Variants in COL9A2 observed in about 807,000 individuals in gnomAD.
COL9A2 encodes collagen type IX alpha 2 chain.
COL9A2 carries 66 observed loss-of-function variants against 111.6 expected under a neutral mutation model. The observed-to-expected ratio is 0.59, with a 90% CI of 0.48 to 0.73. The LOEUF is 0.73. COL9A2 is among the 30% of genes least tolerant of loss of function. The probability of loss-of-function intolerance (pLI) is 0.00; values close to 1 mark genes in which losing one functional copy is unlikely to be tolerated. For synonymous variants in COL9A2, 353 were observed against 364.1 expected (o/e 0.97, Z 0.35); for missense variants, 881 against 954.1 (o/e 0.92, Z 1.01).
At position 40,314,241 on chromosome 1, in the gene COL9A2, A is replaced by C. The variant is rs1390656581; in HGVS notation, c.213T>G (p.Ala71=). Residue 71 remains alanine (A), a synonymous_variant, in exon 4 of 32, where the codon GCT becomes GCG. Coordinates refer to ENST00000372748, the MANE Select transcript of COL9A2 (RefSeq NM_001852.4). This position sits in a 1 kb window ranked among gnomAD's most constrained non-coding sequence, Gnocchi z 4.1. The stretch of plus-strand genomic sequence containing the variant: ...GCTTCCCGTCTGGCCCATCTGGCCC[A>C]GCTTTGCCAGGCTCGCCCTTGGGTC... ...PPGPKGEPGK[A]GPDGPDGKPG... is the part of the protein sequence containing the mutation. The C allele has an allele frequency of 6.2e-7, 1 of 1,614,110 alleles. No individual in the cohort carries two copies. The highest frequency in any genetic ancestry group is 8.5e-7 in the Non-Finnish European group (1 of 1,180,058).
Position 40,308,259 on chromosome 1 carries a change from A to C in COL9A2, c.847-14T>G. On this transcript the variant is annotated splice_polypyrimidine_tract_variant and intron_variant, in intron 16 of 31. Transcript: ENST00000372748. ...ACCTGGGCTGCCCTGCAAAGCGGAG[A>C]GAGATCAGGTCACCCTCAGGATGTT... 1.2e-6 allele frequency: 2 copies of C among 1,613,144 alleles called. No homozygotes were observed. Among genetic ancestry groups the C allele is most frequent in the African/African-American group, 1.3e-5 (1 of 74,974 alleles).
At chr1:40,305,290 C>A (rs1009025524) in intron 21 of COL9A2, among the ~76,000 whole-genome samples, 1 of 151,920 alleles carries the variant, frequency 6.6e-6, no homozygotes, top group Non-Finnish European at 1.5e-5. Context: ...CTCCTGACCT[C>A]GTGATCCACC....
At chr1:40,304,190 C>T (rs1439007867) in intron 24 of COL9A2, 91 bp from the exon 25 acceptor site, 10 of 1,514,438 alleles carry the variant, frequency 6.6e-6, no homozygotes, top group East Asian at 4.9e-5. Context: ...TTTCCAACTC[C>T]GCCTCGCCGA....
rs986664182 is a variant in COL9A2 at position 40,317,174 on chromosome 1, G to C, written c.24C>G (p.Pro8=). 1.9e-6 allele frequency: 3 copies of C among 1,588,970 alleles called. No individual in the cohort carries two copies. The highest frequency in any genetic ancestry group is 2.3e-5 in the East Asian group (1 of 43,284). The part of the protein sequence containing the change: MAAATAS[P]RSLLVLLQVV... ...CCTGGAGGAGAACAAGGAGGCTGCG[G>C]GGGGAGGCCGTAGCGGCGGCCATGG... Residue 8 remains proline (P), a synonymous_variant, in exon 1 of 32, where the codon CCC becomes CCG. Transcript: ENST00000372748. This position sits in a 1 kb window ranked among gnomAD's most constrained non-coding sequence, Gnocchi z 4.3.
intron 31 of COL9A2, 44 bp from the exon 32 acceptor site, chr1:40,301,425 T>A (rs1165949932): frequency 1.9e-6 from 3 of 1,552,106 alleles, no homozygotes; most frequent in Admixed American, 4.0e-5. Context: ...ACCTCTTGTC[T>A]CAGGCCCAGA....
chr1:40,312,017 T>G lies in COL9A2; in HGVS notation c.417+42A>C. On this transcript the variant is annotated intron_variant, in intron 8 of 31. Transcript: ENST00000372748. This position sits in a 1 kb window ranked among gnomAD's most constrained non-coding sequence, Gnocchi z 6.0. ...ACCACCCAGCTTGCCAGCTTGGAGATAGAAGGCAGGAGGCAGTGAACAGAG... is the reference window on the plus strand; with the variant it reads ...ACCACCCAGCTTGCCAGCTTGGAGAGAGAAGGCAGGAGGCAGTGAACAGAG... The G allele has an allele frequency of 1.3e-6, 2 of 1,577,496 alleles. No individual in the cohort carries two copies. The highest frequency in any genetic ancestry group is 1.2e-5 in the South Asian group (1 of 86,294).
Position 40,314,229 on chromosome 1 carries a change from C to T in COL9A2, c.225G>A (p.Gly75=), listed in dbSNP as rs1033851285. 1 of 1,614,246 alleles carries T rather than the reference C, an allele frequency of 6.2e-7. No individual in the cohort carries two copies. Among genetic ancestry groups the T allele is most frequent in the Admixed American group, 1.7e-5 (1 of 60,032 alleles). The change falls in exon 4 of 32, where the codon GGG becomes GGA. Residue 75 remains glycine, a synonymous_variant. Coordinates refer to ENST00000372748, the MANE Select transcript of COL9A2 (RefSeq NM_001852.4). The surrounding 1 kb of genome is among the most constrained non-coding windows in gnomAD (Gnocchi z 4.1). The part of the protein sequence containing the change: ...KGEPGKAGPD[G]PDGKPGIDGL... ...CATCAATCCCGGGCTTCCCGTCTGG[C>T]CCATCTGGCCCAGCTTTGCCAGGCT...
In COL9A2 at chr1:40,312,768, T is replaced by C; in HGVS notation, c.266A>G (p.Lys89Arg). The C allele has an allele frequency of 6.4e-7, 1 of 1,551,766 alleles. No individual in the cohort carries two copies. Among genetic ancestry groups the C allele is most frequent in the East Asian group, 2.4e-5 (1 of 40,966 alleles). ...KPGIDGLTGA[K>R]GEPGPMGIPG... is the part of the protein sequence containing the mutation. ...GATCCCCATGGGGCCAGGCTCCCCC[T>C]TGGCTCCAGTTAAACCCTGGGGAAG... The change falls in exon 5 of 32, where the codon AAG becomes AGG. Residue 89 changes from lysine (K) to arginine (R), a missense_variant. By Grantham distance (26) the Lys-to-Arg change is conservative. Transcript: ENST00000372748. The surrounding 1 kb of genome is among the most constrained non-coding windows in gnomAD (Gnocchi z 6.0).
chr1:40,317,193 G>A lies in COL9A2; in HGVS notation c.5C>T (p.Ala2Val). The A allele has an allele frequency of 1.3e-6, 2 of 1,573,538 alleles. No homozygotes were observed. The highest frequency in any genetic ancestry group is 1.4e-5 in the African/African-American group (1 of 73,828). Reference protein sequence around the residue: MAAATASPRSLL... With the variant: MVAATASPRSLL... ...GCTGCGGGGGGAGGCCGTAGCGGCGGCCATGGCTGGCGGCGAGACCAAGGG... is the reference window on the plus strand; with the variant it reads ...GCTGCGGGGGGAGGCCGTAGCGGCGACCATGGCTGGCGGCGAGACCAAGGG... Residue 2 changes from alanine (A) to valine (V), a missense_variant, in exon 1 of 32, where the codon GCC (alanine) becomes GTC (valine). Ala to Val is a moderately conservative substitution (Grantham distance 64, BLOSUM62 0). Transcript: ENST00000372748. This position sits in a 1 kb window ranked among gnomAD's most constrained non-coding sequence, Gnocchi z 4.3.
chr1:40,304,120 G>A, intron 24 of COL9A2, 21 bp from the exon 25 acceptor site: 2 of 1,542,290 alleles, frequency 1.3e-6, no homozygotes, highest in Non-Finnish European at 8.7e-7. Context: ...CGGGCAGTGA[G>A]GGGTTTGGCG....
Position 40,311,085 on chromosome 1 carries a change from G to A in COL9A2, c.630+8C>T, listed in dbSNP as rs373389007. On this transcript the variant is annotated splice_region_variant and intron_variant, in intron 12 of 31. Coordinates refer to ENST00000372748, the MANE Select transcript of COL9A2 (RefSeq NM_001852.4). This position sits in a 1 kb window ranked among gnomAD's most constrained non-coding sequence, Gnocchi z 5.1. ...CCCTGACCCACAGCCCTCAGCCCTT[G>A]CACTCACCGGCTTCCCCTGGTGGCC... is the stretch of plus-strand genomic sequence containing the variant. 7 of 1,613,874 alleles carry A rather than the reference G, an allele frequency of 4.3e-6. No individual in the cohort carries two copies. The highest frequency in any genetic ancestry group is 5.9e-6 in the Non-Finnish European group (7 of 1,180,006).
rs1009193396 is a variant in COL9A2 at position 40,310,881 on chromosome 1, G to A, written c.631-114C>T. The A allele has an allele frequency of 3.2e-5, 34 of 1,053,006 alleles. No homozygotes were observed. Among genetic ancestry groups the A allele is most frequent in the East Asian group, 1.8e-4 (7 of 38,676 alleles). 65.2% of individuals were successfully genotyped at this position (1,053,006 alleles called of 1,614,324 possible). A position where few individuals can be genotyped will look rare whatever the true frequency, so the allele number is the denominator to read the frequency against. ...ACAAGCAGACGGGAGGGACTACTACGAACCCTACAGTCCTGTGTTACAGAT... is the reference window on the plus strand; with the variant it reads ...ACAAGCAGACGGGAGGGACTACTACAAACCCTACAGTCCTGTGTTACAGAT... On this transcript the variant is annotated intron_variant, in intron 12 of 31. Coordinates refer to ENST00000372748, the MANE Select transcript of COL9A2 (RefSeq NM_001852.4). This position sits in a 1 kb window ranked among gnomAD's most constrained non-coding sequence, Gnocchi z 4.9.
chr1:40,305,192 A>C (rs1478955686), intron 21 of COL9A2, among the ~76,000 whole-genome samples: 1 of 147,016 alleles, frequency 6.8e-6, no homozygotes, highest in East Asian at 2.0e-4. Context: ...CTCAGCCTCC[A>C]GAGTAGCTGG....
Position 40,307,426 on chromosome 1 carries a change from T to C in COL9A2, c.1008+20A>G. 6.2e-7 allele frequency: 1 copy of C among 1,613,164 alleles called. No individual in the cohort carries two copies. The highest frequency in any genetic ancestry group is 2.2e-5 in the East Asian group (1 of 44,870). On this transcript the variant is annotated intron_variant, in intron 19 of 31. Transcript: ENST00000372748. The surrounding 1 kb of genome is among the most constrained non-coding windows in gnomAD (Gnocchi z 4.8). Reference sequence around the variant, plus strand: ...GCCACTAGCCCCTGGCCAGCCCCTGTGGCTCCACCTGACACTTACCGCTAG... The same window carrying C: ...GCCACTAGCCCCTGGCCAGCCCCTGCGGCTCCACCTGACACTTACCGCTAG...
Position 40,311,706 on chromosome 1 carries a change from C to G in COL9A2, c.427G>C (p.Gly143Arg). The G allele has an allele frequency of 6.2e-7, 1 of 1,613,986 alleles. No homozygotes were observed. Among genetic ancestry groups the G allele is most frequent in the Non-Finnish European group, 8.5e-7 (1 of 1,179,986 alleles). Residue 143 changes from glycine (G) to arginine (R), a missense_variant, in exon 9 of 32, where the codon GGA becomes CGA. Gly to Arg is a moderately radical substitution (Grantham distance 125). Transcript: ENST00000372748. The surrounding 1 kb of genome is among the most constrained non-coding windows in gnomAD (Gnocchi z 5.1). ...GGGGGCCCCGATGGTCCATCTGGTC[C>G]AGGGTCCCCCTGGAAGCAAAAGAAG... Reference protein sequence around the residue: ...IGIRGPKGDPGPDGPSGPPGP... With the variant: ...IGIRGPKGDPRPDGPSGPPGP...
chr1:40,303,719 G>C lies in COL9A2; in HGVS notation c.1402-43C>G. The C allele has an allele frequency of 6.8e-7, 1 of 1,462,248 alleles. No homozygotes were observed. The highest frequency in any genetic ancestry group is 9.3e-7 in the Non-Finnish European group (1 of 1,078,236). 90.6% of individuals were successfully genotyped at this position (1,462,248 alleles called of 1,614,324 possible). On this transcript the variant is annotated intron_variant, in intron 27 of 31. Coordinates refer to ENST00000372748, the MANE Select transcript of COL9A2 (RefSeq NM_001852.4). This position sits in a 1 kb window ranked among gnomAD's most constrained non-coding sequence, Gnocchi z 4.6. ...TGGGAGCAGAGCCGGGTGAGAAGGC[G>C]CCCGGGTGGGCGAGAGTGGGGGGTG...
chr1:40,308,248 G>A lies in COL9A2; in HGVS notation c.847-3C>T, dbSNP rs1644061660. The A allele has an allele frequency of 1.9e-6, 3 of 1,613,716 alleles. No homozygotes were observed. Among genetic ancestry groups the A allele is most frequent in the African/African-American group, 1.3e-5 (1 of 74,920 alleles). On this transcript the variant is annotated splice_region_variant and splice_polypyrimidine_tract_variant and intron_variant, in intron 16 of 31. Transcript: ENST00000372748. Reference sequence around the variant, plus strand: ...GGTCCACGAATACCTGGGCTGCCCTGCAAAGCGGAGAGAGATCAGGTCACC... The same window carrying A: ...GGTCCACGAATACCTGGGCTGCCCTACAAAGCGGAGAGAGATCAGGTCACC...
In COL9A2 at chr1:40,305,621, G is replaced by A; in HGVS notation, c.1107+94C>T. 3.4e-6 allele frequency: 4 copies of A among 1,186,726 alleles called. No individual in the cohort carries two copies. The South Asian group carries it at 3.6e-5, about 11-fold the overall frequency. 73.5% of individuals were successfully genotyped at this position (1,186,726 alleles called of 1,614,324 possible). The stretch of plus-strand genomic sequence containing the variant: ...CCCTGAATCATTGGGTCAGGGCAGA[G>A]CCAGACTAACTCGGAGCTCTCCCTA... On this transcript the variant is annotated intron_variant, in intron 21 of 31. Coordinates refer to ENST00000372748, the MANE Select transcript of COL9A2 (RefSeq NM_001852.4).
In COL9A2 at chr1:40,310,427, GTC is replaced by G. The variant is rs1174754961; in HGVS notation, c.685-112_685-111del. ...GTGCCCTTTTGAGGTAGGCAGCAGA[GTC>G]TCTGTCTCATGGATGGGACATGGAG... On this transcript the variant is annotated intron_variant, in intron 13 of 31. Transcript: ENST00000372748. The surrounding 1 kb of genome is among the most constrained non-coding windows in gnomAD (Gnocchi z 4.9). 1.8e-6 allele frequency: 2 copies of G among 1,121,488 alleles called. No homozygotes were observed. The highest frequency in any genetic ancestry group is 2.7e-6 in the Non-Finnish European group (2 of 746,570). 69.5% of individuals were successfully genotyped at this position (1,121,488 alleles called of 1,614,324 possible). A position where few individuals can be genotyped will look rare whatever the true frequency, so the allele number is the denominator to read the frequency against.
Sources: allele counts gnomAD v4.1 joint callset (sites outside exome capture counted in the v4.1 genomes callset), GRCh38; gene constraint gnomAD v4.1.1; non-coding constraint Gnocchi (gnomAD v3.1); transcripts MANE v1.5; gene names NCBI Gene and HGNC (gene_info 2026-07-23, HGNC 2026-07-21).